The following GLS variants were observed in gnomAD, a reference collection of about 807,000 sequenced individuals.
The protein encoded by GLS is glutaminase.
In GLS, 36 loss-of-function variants were observed where a neutral mutation model predicts 86.7. The observed-to-expected ratio is 0.42, with a 90% CI of 0.32 to 0.55. The LOEUF is 0.55. Among genes scored for constraint, GLS ranks in the 20% least tolerant of loss-of-function variants. GLS has a pLI of 0.17. For synonymous variants in GLS, 317 were observed against 305.9 expected, an observed-to-expected ratio of 1.04 and a Z score of -0.38; for missense variants, 528 against 833.4, an observed-to-expected ratio of 0.63 and a Z score of 4.51.
At chr2:190,889,360 G>A (rs1463885873) in intron 1 of GLS, among the ~76,000 whole-genome samples, 1 of 152,068 alleles carries the variant, frequency 6.6e-6, no homozygotes. Flanking sequence ...CTCCCTATAG[G>A]TTGTTGTTAT....
In GLS at chr2:190,955,842, T is replaced by C. The variant is rs1690847964; in HGVS notation, c.1853+1024T>C. Among the ~76,000 whole-genome samples, 2 of 152,258 alleles carry C rather than the reference T, an allele frequency of 1.3e-5. No individual in the cohort carries two copies. Among genetic ancestry groups the C allele is most frequent in the South Asian group, 4.1e-4 (2 of 4,830 alleles). On this transcript the variant is annotated intron_variant, in intron 17 of 17. Transcript: ENST00000320717. This position sits in a 1 kb window ranked among gnomAD's most constrained non-coding sequence, Gnocchi z 5.6. ...CTAACTGGTGTGAGATGGTATCTCA[T>C]TGTGGTTTTGATTTGCATTTCTCTA...
intron 17 of GLS, among the ~76,000 whole-genome samples, chr2:190,957,913 T>C (rs1213363455): frequency 6.6e-6 from 1 of 152,244 alleles, no homozygotes; most frequent in Non-Finnish European, 1.5e-5. Context: ...AAGATGATGC[T>C]GGCCTCATAA....
At chr2:190,892,711 C>T (rs997850435) in intron 1 of GLS, among the ~76,000 whole-genome samples, 1 of 152,004 alleles carries the variant, frequency 6.6e-6, no homozygotes, top group African/African-American at 2.4e-5. Context: ...ACTGTTGAAG[C>T]GAATTCATTC....
chr2:190,918,081 T>C (rs1558980261), intron 7 of GLS, among the ~76,000 whole-genome samples: 1 of 152,208 alleles, frequency 6.6e-6, no homozygotes, highest in African/African-American at 2.4e-5. Context: ...GTTTTTGGAA[T>C]GATGAATGAG....
chr2:190,925,342 C>A (rs1178023092), intron 11 of GLS, among the ~76,000 whole-genome samples: 1 of 152,130 alleles, frequency 6.6e-6, no homozygotes. Flanking sequence ...GGTGCTAGTT[C>A]ATTTCTGCAG....
At position 190,897,781 on chromosome 2, in the gene GLS, G is replaced by A. The variant is rs1688796520; in HGVS notation, c.605+2056G>A. On this transcript the variant is annotated intron_variant, in intron 3 of 17. Transcript: ENST00000320717. The surrounding 1 kb of genome is among the most constrained non-coding windows in gnomAD (Gnocchi z 4.3). ...AAAACATGGGATTCATTTTTCCCCA[G>A]AGAAATAATTTATAAAGGTGGGTAG... Among the ~76,000 whole-genome samples, 1 of 152,174 alleles carries A rather than the reference G, an allele frequency of 6.6e-6. No individual in the cohort carries two copies. The highest frequency in any genetic ancestry group is 2.4e-5 in the African/African-American group (1 of 41,432).
At chr2:190,958,120 A>C (rs1297896441) in intron 17 of GLS, among the ~76,000 whole-genome samples, 2 of 152,194 alleles carry the variant, frequency 1.3e-5, no homozygotes, top group Admixed American at 6.5e-5. Flanking sequence ...AGAACTTGTT[A>C]TCGGTCTATT....
intron 14 of GLS, among the ~76,000 whole-genome samples, chr2:190,937,249 T>G (rs59981934): frequency 0.12 from 17,448 of 151,392 alleles, 1,382 homozygotes; most frequent in Admixed American, 0.27. Context: ...TTGTTAACAT[T>G]GCTTAGAAAT....
intron 4 of GLS, among the ~76,000 whole-genome samples, chr2:190,901,005 A>G (rs1224733782): frequency 2.0e-5 from 3 of 152,244 alleles, no homozygotes; most frequent in Non-Finnish European, 1.5e-5. Context: ...TCAGTATTAA[A>G]CGAAATGTTT....
At chr2:190,916,569 A>C (rs1308215011) in intron 7 of GLS, among the ~76,000 whole-genome samples, 4 of 152,208 alleles carry the variant, frequency 2.6e-5, no homozygotes, top group African/African-American at 4.8e-5. Flanking sequence ...CAAGAGATAC[A>C]CAAGCAGATA....
chr2:190,916,120 A>G (rs1265516179), intron 7 of GLS, among the ~76,000 whole-genome samples: 1 of 152,226 alleles, frequency 6.6e-6, no homozygotes, highest in Non-Finnish European at 1.5e-5. Flanking sequence ...GAAGATATCC[A>G]CTGATATATG....
intron 1 of GLS, among the ~76,000 whole-genome samples, chr2:190,889,721 TTC>T (rs1401574695): frequency 6.6e-6 from 1 of 152,118 alleles, no homozygotes; most frequent in East Asian, 1.9e-4. Flanking sequence ...TGGGTCAAAC[TTC>T]TGAAGTTGTG....
rs181425754 is a variant in GLS at position 190,895,325 on chromosome 2, T to G, written c.483+77T>G. 20 of 621,068 alleles carry G rather than the reference T, an allele frequency of 3.2e-5. No homozygotes were observed. The Admixed American group carries it at 3.9e-4, about 12-fold the overall frequency. The allele number at this position is 621,068 out of a possible 1,614,324, so 38.5% of individuals were successfully genotyped here. A position where few individuals can be genotyped will look rare whatever the true frequency, so the allele number is the denominator to read the frequency against. ...TATATACAGTATTATTGAAATATAG[T>G]CTTAAAGGTCGTCTGACATGTAGAT... On this transcript the variant is annotated intron_variant, in intron 2 of 17. Coordinates refer to ENST00000320717, the MANE Select transcript of GLS (RefSeq NM_014905.5). The surrounding 1 kb of genome is among the most constrained non-coding windows in gnomAD (Gnocchi z 4.2).
rs764462261 is a variant in GLS at position 190,881,160 on chromosome 2, C to T, written c.76C>T (p.Arg26Trp). ...RSPAGVSATL[R>W]RAQPLVTLCR... The stretch of plus-strand genomic sequence containing the variant: ...GCCCGCCGGCGTGAGCGCGACTCTG[C>T]GGCGGGCACAGCCCTTGGTCACCCT... Residue 26 changes from arginine (R) to tryptophan (W), a missense_variant, in exon 1 of 18, where the codon CGG (arginine) becomes TGG (tryptophan). This residue lies in a region of GLS where 224 missense variants were observed against 187.9 expected (regional missense o/e 1.19). Transcript: ENST00000320717. The T allele has an allele frequency of 4.5e-6, 7 of 1,543,770 alleles. No individual in the cohort carries two copies. Among genetic ancestry groups the T allele is most frequent in the Non-Finnish European group, 6.1e-6 (7 of 1,152,858 alleles).
intron 7 of GLS, among the ~76,000 whole-genome samples, chr2:190,919,146 C>T (rs1558980733): frequency 1.3e-5 from 2 of 152,238 alleles, no homozygotes; most frequent in East Asian, 3.9e-4. Context: ...ATCTGTGAAA[C>T]ACAATGAAGT....
chr2:190,883,890 C>T (rs527952011), intron 1 of GLS, among the ~76,000 whole-genome samples: 12 of 152,248 alleles, frequency 7.9e-5, no homozygotes, highest in African/African-American at 2.6e-4. Context: ...TGGAAGGAGG[C>T]GTGATATAAG....
At position 190,881,301 on chromosome 2, in the gene GLS, T is replaced by A; in HGVS notation, c.217T>A (p.Ser73Thr). ...GGCGGAGCCCCTCGCGCGGGGCCTG[T>A]CCAGCTCTCCTTCGGAGATCTTGCA... ...WPAEPLARGL[S>T]SSPSEILQEL... Residue 73 changes from serine to threonine, a missense_variant, in exon 1 of 18, where the codon TCC (serine) becomes ACC (threonine). This residue lies in a region of GLS where 224 missense variants were observed against 187.9 expected (regional missense o/e 1.19). Coordinates refer to ENST00000320717, the MANE Select transcript of GLS (RefSeq NM_014905.5). The A allele has an allele frequency of 6.7e-7, 1 of 1,490,102 alleles. No individual in the cohort carries two copies. Among genetic ancestry groups the A allele is most frequent in the Non-Finnish European group, 8.9e-7 (1 of 1,120,320 alleles). The allele number at this position is 1,490,102 out of a possible 1,614,324, so 92.3% of individuals were successfully genotyped here.
In GLS at chr2:190,947,089, A is replaced by C. The variant is rs1002913133; in HGVS notation, c.1651-6476A>C. Among the ~76,000 whole-genome samples the C allele has an allele frequency of 6.6e-6, 1 of 152,240 alleles. No homozygotes were observed. The highest frequency in any genetic ancestry group is 2.4e-5 in the African/African-American group (1 of 41,466). ...TCATCCACTATATAAATACAGAGTA[A>C]TGTGAGTATATAATTCTAATAATTG... is the stretch of plus-strand genomic sequence containing the variant. On this transcript the variant is annotated intron_variant, in intron 14 of 17. Transcript: ENST00000320717. This position sits in a 1 kb window ranked among gnomAD's most constrained non-coding sequence, Gnocchi z 5.0.
At chr2:190,925,414 A>G (rs944733693) in intron 11 of GLS, among the ~76,000 whole-genome samples, 3 of 152,122 alleles carry the variant, frequency 2.0e-5, no homozygotes, top group Admixed American at 2.0e-4. Context: ...GGTGGGGTTG[A>G]GCGAGAGGGA....
Sources: allele counts gnomAD v4.1 joint callset (sites outside exome capture counted in the v4.1 genomes callset), GRCh38; gene constraint gnomAD v4.1.1; regional missense constraint gnomAD v4.1.1; non-coding constraint Gnocchi (gnomAD v3.1); transcripts MANE v1.5; gene names NCBI Gene and HGNC (gene_info 2026-07-23, HGNC 2026-07-21).